The following CUL4A variants were observed in gnomAD, a reference collection of about 807,000 sequenced individuals.
CUL4A encodes the protein cullin-4A.
A neutral mutation model predicts 95.5 loss-of-function variants in CUL4A; 16 were observed. The observed-to-expected ratio is 0.17, with a 90% CI of 0.11 to 0.25. The LOEUF is 0.25. Ranked by LOEUF, CUL4A falls within the 10% of genes least tolerant of loss-of-function variation. The probability of loss-of-function intolerance (pLI) is 1.00; values close to 1 mark genes in which losing one functional copy is unlikely to be tolerated. For missense variants in CUL4A, 610 were observed against 937.0 expected (o/e 0.65, Z 4.56); for synonymous variants, 380 against 353.1 (o/e 1.08, Z -0.85).
At chr13:113,244,318 T>C in intron 11 of CUL4A, 92 bp from the exon 12 acceptor site, 1 of 883,434 alleles carries the variant, frequency 1.1e-6, no homozygotes, top group Non-Finnish European at 1.8e-6. Context: ...TTTGGGAAGG[T>C]TCCAGAATGT....
At chr13:113,228,583 A>T (rs1193341285) in intron 4 of CUL4A, among the ~76,000 whole-genome samples, 2 of 151,932 alleles carry the variant, frequency 1.3e-5, no homozygotes, top group Non-Finnish European at 2.9e-5. Flanking sequence ...CAGCTGCTAG[A>T]GCTCGCTGAG....
At chr13:113,241,294 T>G (rs1017079621) in intron 10 of CUL4A, among the ~76,000 whole-genome samples, 2 of 152,202 alleles carry the variant, frequency 1.3e-5, no homozygotes, top group Non-Finnish European at 2.9e-5. Flanking sequence ...CCATCACCCC[T>G]GAGTGTCAGC....
At chr13:113,209,248 C>T (rs2040226389), upstream of CUL4A, among the ~76,000 whole-genome samples, 1 of 146,994 alleles carries the variant, frequency 6.8e-6, no homozygotes, top group African/African-American at 2.5e-5. Flanking sequence ...CCGATCCCCT[C>T]AGGAGGGGTG....
At chr13:113,262,425 C>T (rs975636097) in intron 19 of CUL4A, among the ~76,000 whole-genome samples, 5 of 152,108 alleles carry the variant, frequency 3.3e-5, no homozygotes, top group African/African-American at 4.8e-5. Context: ...CTGAGGCAGG[C>T]GGATTGATTG....
intron 9 of CUL4A, 26 bp from the exon 10 acceptor site, chr13:113,239,407 C>G: frequency 6.3e-7 from 1 of 1,585,158 alleles, no homozygotes; most frequent in Non-Finnish European, 8.7e-7. Flanking sequence ...ATGCTGTACT[C>G]TGCTGACGTG....
intron 2 of CUL4A, among the ~76,000 whole-genome samples, chr13:113,213,643 T>C (rs2040535083): frequency 6.6e-6 from 1 of 152,250 alleles, no homozygotes; most frequent in Admixed American, 6.5e-5. Context: ...TGCAACACCT[T>C]GTACACAGTG....
At chr13:113,253,495 A>G (rs2042045826) in intron 16 of CUL4A, among the ~76,000 whole-genome samples, 1 of 152,226 alleles carries the variant, frequency 6.6e-6, no homozygotes, top group Non-Finnish European at 1.5e-5. Context: ...TCTCTGCTAA[A>G]CAGAGGGCTT....
chr13:113,228,099 C>T (rs967957926), intron 4 of CUL4A, 54 bp downstream of exon 4: 2 of 1,315,138 alleles, frequency 1.5e-6, no homozygotes, highest in Non-Finnish European at 2.2e-6. Flanking sequence ...TTCCCTCACC[C>T]ACATGATTGA....
chr13:113,230,235 T>C (rs2041263490), intron 5 of CUL4A: 1 of 152,684 alleles, frequency 6.5e-6, no homozygotes, highest in Non-Finnish European at 1.5e-5. Context: ...AAACCCAAGT[T>C]CTTTAAAATG....
chr13:113,223,019 C>T (rs79407027), intron 3 of CUL4A, among the ~76,000 whole-genome samples: 18 of 152,066 alleles, frequency 1.2e-4, no homozygotes, highest in South Asian at 4.2e-4. Flanking sequence ...ATATGGCAGG[C>T]GGCTTAGTGA....
At chr13:113,224,762 A>G (rs1262140683) in intron 3 of CUL4A, among the ~76,000 whole-genome samples, 4 of 152,236 alleles carry the variant, frequency 2.6e-5, no homozygotes, top group Non-Finnish European at 5.9e-5. Flanking sequence ...AGGTATCTTT[A>G]TTGACCATAT....
chr13:113,254,896 G>A (rs1317534730), intron 17 of CUL4A, 57 bp from the exon 18 acceptor site: 2 of 1,600,506 alleles, frequency 1.2e-6, no homozygotes, highest in Middle Eastern at 1.7e-4. Context: ...TTGGTTTACT[G>A]TTGTTGAGTC....
upstream of CUL4A, among the ~76,000 whole-genome samples, chr13:113,209,355 C>T (rs1461609416): frequency 1.1e-4 from 15 of 142,298 alleles, no homozygotes; most frequent in Non-Finnish European, 6.2e-5. Flanking sequence ...GGTCCCGATC[C>T]CTCAGGACGG....
In CUL4A at chr13:113,239,545, C is replaced by T. The variant is rs765269304; in HGVS notation, c.1029C>T (p.Tyr343=). Reference sequence around the variant, plus strand: ...CGCTGCTGCAGCACTGGAGCGAGTACATCAAGGTACTGGCGGGGTTTTGAG... The same window carrying T: ...CGCTGCTGCAGCACTGGAGCGAGTATATCAAGGTACTGGCGGGGTTTTGAG... The part of the protein sequence containing the change: ...QQALLQHWSE[Y]IKTFGTAIVI... Residue 343 remains tyrosine (Y), a synonymous_variant, in exon 10 of 20, where the codon TAC becomes TAT. Coordinates refer to ENST00000375440, the MANE Select transcript of CUL4A (RefSeq NM_001008895.4). 8 of 1,611,012 alleles carry T rather than the reference C, an allele frequency of 5.0e-6. No homozygotes were observed. Among genetic ancestry groups the T allele is most frequent in the South Asian group, 2.2e-5 (2 of 90,468 alleles).
At chr13:113,220,416 C>G (rs897913866) in intron 3 of CUL4A, among the ~76,000 whole-genome samples, 4 of 152,244 alleles carry the variant, frequency 2.6e-5, no homozygotes, top group African/African-American at 4.8e-5. Context: ...CTTTTGGAAC[C>G]TGGCCAAAGT....
chr13:113,253,944 A>T (rs1186490141), intron 16 of CUL4A, among the ~76,000 whole-genome samples: 1 of 152,194 alleles, frequency 6.6e-6, no homozygotes. Flanking sequence ...TACCTACTTT[A>T]TTATTGTAGA....
intron 18 of CUL4A, among the ~76,000 whole-genome samples, chr13:113,259,289 G>A (rs1198623793): frequency 6.6e-6 from 1 of 152,098 alleles, no homozygotes; most frequent in African/African-American, 2.4e-5. Context: ...TTTATCTCTA[G>A]TTCAGAGGAT....
At chr13:113,256,317 C>T (rs2042119057) in intron 18 of CUL4A, among the ~76,000 whole-genome samples, 2 of 152,114 alleles carry the variant, frequency 1.3e-5, no homozygotes, top group Non-Finnish European at 2.9e-5. Context: ...GTGCCCTCGG[C>T]CACAGGCACT....
chr13:113,221,460 G>A (rs965142785), intron 3 of CUL4A, among the ~76,000 whole-genome samples: 14 of 152,230 alleles, frequency 9.2e-5, no homozygotes, highest in African/African-American at 3.1e-4. Flanking sequence ...ATAAATCTGA[G>A]CAGAATGGGA....
Sources: gnomAD v4.1 joint callset for allele counts (sites outside exome capture counted in the v4.1 genomes callset) on GRCh38, gnomAD v4.1.1 for gene constraint, MANE v1.5 for transcripts, NCBI Gene and HGNC (gene_info 2026-07-23, HGNC 2026-07-21) for gene names.